Variants in DLG2 observed in about 807,000 individuals in gnomAD.
DLG2 encodes disks large homolog 2.
Under a neutral mutation model 132.5 loss-of-function variants are expected in DLG2, and 45 were observed. The ratio of observed to expected loss-of-function variants is 0.34; its 90% confidence interval spans 0.27 to 0.44. The LOEUF (loss-of-function observed/expected upper bound fraction) is 0.44, where lower values mean the gene tolerates loss of function less well. DLG2 is among the 20% of genes least tolerant of loss of function. The pLI, the probability that DLG2 is intolerant of heterozygous loss-of-function variation, is 1.00. For synonymous variants in DLG2, 424 were observed against 419.6 expected, an observed-to-expected ratio of 1.01 and a Z score of -0.13; for missense variants, 1,045 against 1,196.9, an observed-to-expected ratio of 0.87 and a Z score of 1.87.
chr11:85,605,036 G>T (rs976648905), intron 2 of DLG2, among the ~76,000 whole-genome samples: 4 of 152,030 alleles, frequency 2.6e-5, no homozygotes, highest in African/African-American at 9.7e-5. Flanking sequence ...ATAGAGAAAA[G>T]GTGAATTTAA....
At position 83,786,721 on chromosome 11, in the gene DLG2, T is replaced by C. The variant is rs376453687; in HGVS notation, c.1794A>G (p.Thr598=). ...GTTGATATTGTGCTATAATCGTCAC[T>C]GTCTGTCCAGCCCCCTTTAGTGCAG... ...AAAALKGAGQ[T]VTIIAQYQPE... is the part of the protein sequence containing the mutation. Residue 598 remains threonine, a synonymous_variant, in exon 18 of 28, where the codon ACA becomes ACG. Transcript: ENST00000376104. The C allele has an allele frequency of 6.2e-7, 1 of 1,614,198 alleles. No homozygotes were observed. Among genetic ancestry groups the C allele is most frequent in the Admixed American group, 1.7e-5 (1 of 60,030 alleles).
chr11:83,888,520 A>G (rs1364141037), intron 15 of DLG2, among the ~76,000 whole-genome samples: 1 of 152,194 alleles, frequency 6.6e-6, no homozygotes, highest in Non-Finnish European at 1.5e-5. Context: ...AAATTGCCAT[A>G]CTGCCCAAGG....
At position 84,460,732 on chromosome 11, in the gene DLG2, A is replaced by G. The variant is rs146422222; in HGVS notation, c.519+73838T>C. On this transcript the variant is annotated intron_variant, in intron 7 of 27. Transcript: ENST00000376104. ...CAGAGTAGCCTAATTCACTTATTCAATAAATTTTATGAAGTATATATTATA... is the reference window on the plus strand; with the variant it reads ...CAGAGTAGCCTAATTCACTTATTCAGTAAATTTTATGAAGTATATATTATA... 2.1e-4 allele frequency among the ~76,000 whole-genome samples: 31 copies of G among 150,904 alleles called. 1 individual carries two copies. The East Asian group carries it at 6.0e-3, about 29-fold the overall frequency.
chr11:83,696,784 C>T (rs1220910131), intron 18 of DLG2, among the ~76,000 whole-genome samples: 1 of 152,156 alleles, frequency 6.6e-6, no homozygotes, highest in Non-Finnish European at 1.5e-5. Context: ...AGAAATAGGA[C>T]ATGGTCCCTA....
chr11:85,045,178 C>G (rs1409384441), intron 6 of DLG2, among the ~76,000 whole-genome samples: 1 of 151,976 alleles, frequency 6.6e-6, no homozygotes, highest in Non-Finnish European at 1.5e-5. Flanking sequence ...TGAGAGCAGG[C>G]CTAGTTCATT....
At chr11:84,954,864 A>T (rs2051432162) in intron 6 of DLG2, among the ~76,000 whole-genome samples, 2 of 152,184 alleles carry the variant, frequency 1.3e-5, no homozygotes, top group South Asian at 4.1e-4. Context: ...AAGCCTATGT[A>T]CCATACTGCA....
At chr11:84,134,227 T>C (rs1465084679) in intron 9 of DLG2, among the ~76,000 whole-genome samples, 1 of 150,538 alleles carries the variant, frequency 6.6e-6, no homozygotes, top group Non-Finnish European at 1.5e-5. Flanking sequence ...TAGGGAGAGC[T>C]TCTGATCCAA....
chr11:83,850,113 A>C (rs1447528653), intron 16 of DLG2, among the ~76,000 whole-genome samples: 2 of 124,992 alleles, frequency 1.6e-5, no homozygotes, highest in African/African-American at 6.1e-5. Context: ...CATCCGTAAC[A>C]TTTGGGGTAA....
intron 6 of DLG2, among the ~76,000 whole-genome samples, chr11:84,601,162 A>G (rs1428410156): frequency 1.3e-5 from 2 of 152,098 alleles, no homozygotes; most frequent in African/African-American, 4.8e-5. Flanking sequence ...AGGAGAAATT[A>G]TATTTGGTGT....
intron 18 of DLG2, among the ~76,000 whole-genome samples, chr11:83,727,781 C>T (rs1046020106): frequency 2.6e-5 from 4 of 152,166 alleles, no homozygotes; most frequent in Admixed American, 6.6e-5. Flanking sequence ...AAATCCACTT[C>T]GGTGATTTTA....
intron 3 of DLG2, among the ~76,000 whole-genome samples, chr11:85,401,978 T>A (rs138569461): frequency 4.6e-5 from 7 of 151,278 alleles, no homozygotes; most frequent in African/African-American, 1.5e-4. Context: ...TTCAGAGAAT[T>A]AATAAAAAAC....
At chr11:85,029,411 G>A (rs905525922) in intron 6 of DLG2, among the ~76,000 whole-genome samples, 2 of 152,198 alleles carry the variant, frequency 1.3e-5, no homozygotes, top group Admixed American at 6.5e-5. Flanking sequence ...GTACAACATG[G>A]AGAAGAGTGT....
At chr11:84,060,425 T>C (rs2096572905) in intron 10 of DLG2, among the ~76,000 whole-genome samples, 1 of 152,144 alleles carries the variant, frequency 6.6e-6, no homozygotes, top group Non-Finnish European at 1.5e-5. Flanking sequence ...TACAATATTA[T>C]AAATACTGAA....
chr11:85,284,415 T>C (rs1236849839), intron 4 of DLG2, among the ~76,000 whole-genome samples: 1 of 151,904 alleles, frequency 6.6e-6, no homozygotes, highest in Non-Finnish European at 1.5e-5. Context: ...TGCTATTGAT[T>C]GGCACTAGGA....
intron 6 of DLG2, among the ~76,000 whole-genome samples, chr11:84,671,341 A>G (rs1348920674): frequency 2.0e-5 from 3 of 151,936 alleles, no homozygotes; most frequent in East Asian, 1.9e-4. Flanking sequence ...GGGCTCAGGC[A>G]GTCATCTCAT....
At chr11:84,196,216 A>T (rs1308442695) in intron 8 of DLG2, among the ~76,000 whole-genome samples, 1 of 152,194 alleles carries the variant, frequency 6.6e-6, no homozygotes, top group Non-Finnish European at 1.5e-5. Flanking sequence ...TTTATATCTC[A>T]TCTGGAAGAT....
intron 3 of DLG2, among the ~76,000 whole-genome samples, chr11:85,422,975 T>TC (rs929445591): frequency 2.6e-4 from 39 of 151,958 alleles, no homozygotes; most frequent in Middle Eastern, 6.8e-3. Context: ...TGGGTCCATT[T>TC]TTTTTGAGCT....
At chr11:84,153,358 G>C (rs1365296191) in intron 9 of DLG2, among the ~76,000 whole-genome samples, 2 of 151,974 alleles carry the variant, frequency 1.3e-5, no homozygotes, top group African/African-American at 4.8e-5. Flanking sequence ...GCGGTTTTCT[G>C]TATTTCTTGA....
chr11:83,612,658 G>T (rs1362236421), intron 19 of DLG2, among the ~76,000 whole-genome samples: 1 of 152,134 alleles, frequency 6.6e-6, no homozygotes, highest in Non-Finnish European at 1.5e-5. Flanking sequence ...GAAGTGCTAT[G>T]AGAGTAGGTG....
Sources: allele counts gnomAD v4.1 joint callset (sites outside exome capture counted in the v4.1 genomes callset), GRCh38; gene constraint gnomAD v4.1.1; transcripts MANE v1.5; gene names NCBI Gene and HGNC (gene_info 2026-07-23, HGNC 2026-07-21).